NRF1: variants seen among roughly 807,000 people sequenced by gnomAD.
NRF1 encodes the protein alpha palindromic-binding protein.
NRF1 carries 5 observed loss-of-function variants against 58.5 expected under a neutral mutation model. The observed-to-expected ratio is 0.09, with a 90% CI of 0.04 to 0.18. The LOEUF (loss-of-function observed/expected upper bound fraction) is 0.18, where lower values mean the gene tolerates loss of function less well. NRF1 is among the 10% of genes least tolerant of loss of function. The pLI is 1.00. For missense variants in NRF1, 288 were observed against 657.7 expected, an observed-to-expected ratio of 0.44 and a Z score of 6.15; for synonymous variants, 224 against 246.7, an observed-to-expected ratio of 0.91 and a Z score of 0.86.
chr7:129,623,255 A>G (rs1251310198), intron 1 of NRF1, among the ~76,000 whole-genome samples: 2 of 152,208 alleles, frequency 1.3e-5, no homozygotes, highest in Non-Finnish European at 2.9e-5. Context: ...TCTGAAGTGA[A>G]GAACCTTGTC....
intron 5 of NRF1, among the ~76,000 whole-genome samples, chr7:129,692,554 A>C (rs1254640470): frequency 6.6e-6 from 1 of 152,200 alleles, no homozygotes; most frequent in Non-Finnish European, 1.5e-5. Flanking sequence ...TCCTGCCTCA[A>C]ATAAATGAGT....
intron 8 of NRF1, among the ~76,000 whole-genome samples, chr7:129,716,377 C>T (rs1180227207): frequency 6.6e-6 from 1 of 151,892 alleles, no homozygotes; most frequent in East Asian, 1.9e-4. Flanking sequence ...TATCATATTC[C>T]CTTTGATACA....
At chr7:129,695,777 G>A (rs1802678506) in intron 5 of NRF1, among the ~76,000 whole-genome samples, 1 of 150,722 alleles carries the variant, frequency 6.6e-6, no homozygotes, top group Non-Finnish European at 1.5e-5. Flanking sequence ...AGAACTTGGA[G>A]GGATGTACAT....
chr7:129,731,611 C>CTTGT (rs71167211), intron 10 of NRF1, among the ~76,000 whole-genome samples: 19,116 of 149,738 alleles, frequency 0.13, 1,230 homozygotes, highest in Admixed American at 0.19. Context: ...CCTTCCTTTA[C>CTTGT]TTGTTTGTTT....
chr7:129,664,678 A>C (rs1237830026), intron 2 of NRF1, among the ~76,000 whole-genome samples: 1 of 152,236 alleles, frequency 6.6e-6, no homozygotes, highest in Non-Finnish European at 1.5e-5. Context: ...GTATTACTGT[A>C]CTGCTTTGTG....
intron 1 of NRF1, among the ~76,000 whole-genome samples, chr7:129,647,223 G>C (rs1801427647): frequency 6.6e-6 from 1 of 151,944 alleles, no homozygotes; most frequent in Non-Finnish European, 1.5e-5. Context: ...ATCTTTAGTA[G>C]AGACGGGGTT....
At chr7:129,700,473 CCACTATGATGGAT>C (rs1217759677) in intron 5 of NRF1, among the ~76,000 whole-genome samples, 2 of 152,160 alleles carry the variant, frequency 1.3e-5, no homozygotes, top group African/African-American at 2.4e-5. Flanking sequence ...ACTTTGAGAA[CCACTATGATGGAT>C]CACAATTCCA....
chr7:129,642,570 A>G (rs539358227), intron 1 of NRF1, among the ~76,000 whole-genome samples: 2 of 152,120 alleles, frequency 1.3e-5, no homozygotes, highest in Non-Finnish European at 2.9e-5. Flanking sequence ...TTTAAAAACA[A>G]TGAAACAAAA....
At chr7:129,661,235 G>A (rs1801773415) in intron 2 of NRF1, among the ~76,000 whole-genome samples, 1 of 151,326 alleles carries the variant, frequency 6.6e-6, no homozygotes. Flanking sequence ...CCTATGATGG[G>A]AGGGGCTACT....
chr7:129,731,479 G>T (rs530663833), intron 10 of NRF1, among the ~76,000 whole-genome samples: 73 of 152,260 alleles, frequency 4.8e-4, no homozygotes, highest in African/African-American at 1.6e-3. Flanking sequence ...TTTTTCAATA[G>T]AGTCTTTGGT....
chr7:129,662,809 G>T (rs1463229211), intron 2 of NRF1, among the ~76,000 whole-genome samples: 3 of 152,016 alleles, frequency 2.0e-5, no homozygotes, highest in Non-Finnish European at 4.4e-5. Context: ...CAGAGAGGGG[G>T]ATGTGGCAGG....
chr7:129,756,478 A>ACCC lies in NRF1; in HGVS notation c.*1297_*1298insCCC, dbSNP rs1804258750. ...ATGCAACCTCGTGGCCCAGGCCGGG[A>ACCC]GCAGCTTGCCTCCTCAGAGGTGTTG... On this transcript the variant is annotated 3_prime_UTR_variant, in exon 11 of 11. Transcript: ENST00000393232. The ACCC allele has an allele frequency of 6.6e-6, 1 of 152,540 alleles. No individual in the cohort carries two copies. Among genetic ancestry groups the ACCC allele is most frequent in the South Asian group, 2.1e-4 (1 of 4,832 alleles). The allele number at this position is 152,540 out of a possible 1,614,324, so 9.4% of individuals were successfully genotyped here. A position where few individuals can be genotyped will look rare whatever the true frequency, so the allele number is the denominator to read the frequency against.
At chr7:129,624,584 T>C (rs1337401772) in intron 1 of NRF1, among the ~76,000 whole-genome samples, 1 of 152,206 alleles carries the variant, frequency 6.6e-6, no homozygotes, top group East Asian at 1.9e-4. Flanking sequence ...CATCCAGTGA[T>C]AGGAAACGTA....
chr7:129,642,039 C>T (rs1801302326), intron 1 of NRF1, among the ~76,000 whole-genome samples: 1 of 150,588 alleles, frequency 6.6e-6, no homozygotes, highest in African/African-American at 2.4e-5. Flanking sequence ...AGTGCAGTGG[C>T]ACAACCTCGG....
At chr7:129,648,044 A>G (rs966857015) in intron 1 of NRF1, among the ~76,000 whole-genome samples, 2 of 152,198 alleles carry the variant, frequency 1.3e-5, no homozygotes, top group Non-Finnish European at 2.9e-5. Context: ...TTAAAAGTCA[A>G]AGTAATACAT....
chr7:129,705,199 G>A (rs1187336762), intron 5 of NRF1, among the ~76,000 whole-genome samples: 1 of 152,038 alleles, frequency 6.6e-6, no homozygotes, highest in Non-Finnish European at 1.5e-5. Flanking sequence ...CCTCTTCATT[G>A]ACCTTGTATA....
rs1804270759 is a variant in NRF1 at position 129,756,790 on chromosome 7, AT to A, written c.*1610del. ...TATATAAAACTATCTAATGTTCTTT[AT>A]ATGTTCTTTTCTGTACGTAATGGGG... On this transcript the variant is annotated 3_prime_UTR_variant, in exon 11 of 11. Coordinates refer to ENST00000393232, the MANE Select transcript of NRF1 (RefSeq NM_005011.5). 1 of 152,172 alleles carries A rather than the reference AT, an allele frequency of 6.6e-6. No homozygotes were observed. The highest frequency in any genetic ancestry group is 1.5e-5 in the Non-Finnish European group (1 of 67,938). The allele number at this position is 152,172 out of a possible 1,614,324, so 9.4% of individuals were successfully genotyped here. A position where few individuals can be genotyped will look rare whatever the true frequency, so the allele number is the denominator to read the frequency against.
chr7:129,706,972 C>T (rs1802964082), intron 5 of NRF1, among the ~76,000 whole-genome samples: 1 of 151,884 alleles, frequency 6.6e-6, no homozygotes, highest in African/African-American at 2.4e-5. Flanking sequence ...CTCTGTCACC[C>T]GCTTTAGGAT....
At chr7:129,612,061 G>T (rs1382386850) in intron 1 of NRF1, among the ~76,000 whole-genome samples, 1 of 150,066 alleles carries the variant, frequency 6.7e-6, no homozygotes, top group Non-Finnish European at 1.5e-5. Flanking sequence ...TGGCGGGCTC[G>T]GGAGGGAGGC....
Sources: allele counts gnomAD v4.1 joint callset (sites outside exome capture counted in the v4.1 genomes callset), GRCh38; gene constraint gnomAD v4.1.1; transcripts MANE v1.5; gene names NCBI Gene and HGNC (gene_info 2026-07-23, HGNC 2026-07-21).